The following SLC14A2 variants were observed in gnomAD, a reference collection of about 807,000 sequenced individuals.
SLC14A2 encodes the protein urea transporter 2.
SLC14A2 carries 91 observed loss-of-function variants against 104.6 expected under a neutral mutation model. That is an observed-to-expected ratio of 0.87 (90% CI 0.73 to 1.04). The LOEUF (loss-of-function observed/expected upper bound fraction) is 1.04, where lower values mean the gene tolerates loss of function less well. SLC14A2 is among the 50% of genes least tolerant of loss of function. SLC14A2 has a pLI of 0.00. For missense variants in SLC14A2, 1,189 were observed against 1,156.0 expected (o/e 1.03, Z -0.41); for synonymous variants, 476 against 466.4 (o/e 1.02, Z -0.27).
At chr18:45,296,413 C>A (rs147475144) in intron 1 of SLC14A2, among the ~76,000 whole-genome samples, 103 of 152,260 alleles carry the variant, frequency 6.8e-4, no homozygotes, top group African/African-American at 2.3e-3. Context: ...TAATTGAATG[C>A]CAGATTGACA....
At chr18:45,601,172 C>T (rs963521233) in intron 2 of SLC14A2, among the ~76,000 whole-genome samples, 4 of 152,192 alleles carry the variant, frequency 2.6e-5, no homozygotes, top group African/African-American at 7.2e-5. Context: ...AGAGAATGCG[C>T]GGCCCAACCT....
chr18:45,580,476 C>A (rs1471687209), intron 2 of SLC14A2, among the ~76,000 whole-genome samples: 1 of 151,998 alleles, frequency 6.6e-6, no homozygotes, highest in African/African-American at 2.4e-5. Flanking sequence ...TTCAGAGGAG[C>A]CTTAGAAGTC....
In SLC14A2 at chr18:45,531,562, G is replaced by A. The variant is rs1176509722; in HGVS notation, c.-35+48240G>A. On this transcript the variant is annotated intron_variant, in intron 2 of 20. Coordinates refer to the SLC14A2 transcript ENST00000586448. ...TGATGGGATTGTTTGTTTTTTTCTT[G>A]TAAATCTGTTTGAGTTCATTGTAGA... Among the ~76,000 whole-genome samples the A allele has an allele frequency of 3.3e-5, 5 of 152,122 alleles. No homozygotes were observed. In the East Asian group the frequency reaches 9.6e-4, roughly 29 times the overall value.
intron 1 of SLC14A2, among the ~76,000 whole-genome samples, chr18:45,303,883 C>T (rs1444377711): frequency 6.6e-6 from 1 of 152,192 alleles, no homozygotes; most frequent in Admixed American, 6.5e-5. Flanking sequence ...TCCCACCAGT[C>T]AATGCTCCCA....
chr18:45,609,102 C>T lies in SLC14A2; in HGVS notation c.-34-15529C>T, dbSNP rs752441014. On this transcript the variant is annotated intron_variant, in intron 2 of 20. Coordinates refer to the SLC14A2 transcript ENST00000586448. ...TCTTTGGAGGCTCACAGGCTGTTGC[C>T]CCCTTCAGAGTAGGGACAAATGGCT... Among the ~76,000 whole-genome samples the T allele has an allele frequency of 1.4e-4, 21 of 152,246 alleles. No individual in the cohort carries two copies. The East Asian group carries it at 2.9e-3, about 21-fold the overall frequency.
chr18:45,400,889 A>G (rs543433511), intron 1 of SLC14A2, among the ~76,000 whole-genome samples: 1 of 152,342 alleles, frequency 6.6e-6, no homozygotes, highest in Non-Finnish European at 1.5e-5. Context: ...AGATTTGGCC[A>G]GAAGGAGCCC....
At chr18:45,185,085 C>T in the SLC14A2 span, among the ~76,000 whole-genome samples, 2 of 152,266 alleles carry the variant, frequency 1.3e-5, no homozygotes, top group African/African-American at 2.4e-5. Context: ...AGAGCCAGTT[C>T]CCTAGCTGGC....
chr18:45,232,619 A>C (rs2084185601), intron 1 of SLC14A2, among the ~76,000 whole-genome samples: 3 of 152,250 alleles, frequency 2.0e-5, no homozygotes, highest in Non-Finnish European at 4.4e-5. Flanking sequence ...ACCAGGGTAC[A>C]GGAGGCTGTC....
chr18:45,615,852 AGAGAGAGG>A (rs1247146488), intron 1 of SLC14A2, among the ~76,000 whole-genome samples: 2 of 151,400 alleles, frequency 1.3e-5, no homozygotes, highest in African/African-American at 4.9e-5. Flanking sequence ...AGAGAGAGAG[AGAGAGAGG>A]GAGAGAGAGA....
chr18:45,601,957 C>A (rs2144414472), intron 2 of SLC14A2, among the ~76,000 whole-genome samples: 1 of 152,356 alleles, frequency 6.6e-6, no homozygotes, highest in South Asian at 2.1e-4. Flanking sequence ...TTGGCATTGG[C>A]CATTCTGTCG....
chr18:45,641,706 A>G (rs985000995), intron 8 of SLC14A2, among the ~76,000 whole-genome samples: 3 of 152,242 alleles, frequency 2.0e-5, no homozygotes, highest in Non-Finnish European at 4.4e-5. Context: ...AGAAGATACC[A>G]TGGTGACTAC....
At chr18:45,491,039 C>T (rs1396866574) in intron 2 of SLC14A2, among the ~76,000 whole-genome samples, 2 of 152,088 alleles carry the variant, frequency 1.3e-5, no homozygotes, top group African/African-American at 4.8e-5. Context: ...CTTTAGAGGG[C>T]AATTTAGAAA....
At chr18:45,640,004 T>G in intron 7 of SLC14A2, 111 bp downstream of exon 7, 1 of 1,059,792 alleles carries the variant, frequency 9.4e-7, no homozygotes, top group Non-Finnish European at 1.3e-6. Flanking sequence ...TTTTAAATAC[T>G]TTCAGGGAGA....
At chr18:45,224,806 C>T (rs1453318864) in intron 1 of SLC14A2, among the ~76,000 whole-genome samples, 1 of 152,124 alleles carries the variant, frequency 6.6e-6, no homozygotes, top group African/African-American at 2.4e-5. Context: ...GCTTGAAGAA[C>T]TCAGGTTTGT....
chr18:45,305,320 C>T (rs542053667), intron 1 of SLC14A2, among the ~76,000 whole-genome samples: 22 of 152,204 alleles, frequency 1.4e-4, no homozygotes, highest in Non-Finnish European at 2.4e-4. Context: ...GTTATTACCA[C>T]TTTCTGGCTG....
intron 5 of SLC14A2, 52 bp from the exon 6 acceptor site, chr18:45,636,938 T>C (rs1036193588): frequency 1.4e-6 from 2 of 1,461,440 alleles, no homozygotes; most frequent in Non-Finnish European, 1.9e-6. Flanking sequence ...GCTGAGACAA[T>C]GTAGACCTCA....
chr18:45,407,498 C>T (rs920195524), intron 1 of SLC14A2, among the ~76,000 whole-genome samples: 2 of 152,154 alleles, frequency 1.3e-5, no homozygotes, highest in Non-Finnish European at 2.9e-5. Context: ...TTCGTGGGTT[C>T]ACTGGAGTAG....
chr18:45,220,872 T>C (rs1012788826), intron 1 of SLC14A2, among the ~76,000 whole-genome samples: 7 of 152,362 alleles, frequency 4.6e-5, no homozygotes, highest in African/African-American at 1.7e-4. Context: ...GAGGCCTCTC[T>C]TTTTGGTTTA....
At chr18:45,572,757 C>T (rs1031484665) in intron 2 of SLC14A2, among the ~76,000 whole-genome samples, 3 of 152,148 alleles carry the variant, frequency 2.0e-5, no homozygotes, top group African/African-American at 2.4e-5. Context: ...ATTCTATGGG[C>T]AAGTGTGTGT....
Sources: allele counts gnomAD v4.1 joint callset (sites outside exome capture counted in the v4.1 genomes callset), GRCh38; gene constraint gnomAD v4.1.1; transcripts MANE v1.5; gene names NCBI Gene and HGNC (gene_info 2026-07-23, HGNC 2026-07-21).